The following CNNM1 variants were observed in gnomAD, a reference collection of about 807,000 sequenced individuals.
CNNM1 encodes cyclin and CBS domain divalent metal cation transport mediator 1.
In CNNM1, 44 loss-of-function variants were observed where a neutral mutation model predicts 78.8. That is an observed-to-expected ratio of 0.56 (90% CI 0.44 to 0.72). The LOEUF (loss-of-function observed/expected upper bound fraction) is 0.72. Among genes scored for constraint, CNNM1 ranks in the 30% least tolerant of loss-of-function variants. The pLI, the probability that CNNM1 is intolerant of heterozygous loss-of-function variation, is 0.00. For synonymous variants in CNNM1, 584 were observed against 581.5 expected, an observed-to-expected ratio of 1.00 and a Z score of -0.06; for missense variants, 1,101 against 1,292.2, an observed-to-expected ratio of 0.85 and a Z score of 2.27.
chr10:99,358,996 G>A (rs1423437146), intron 2 of CNNM1, among the ~76,000 whole-genome samples: 6 of 86,828 alleles, frequency 6.9e-5, no homozygotes, highest in Non-Finnish European at 1.2e-4. Context: ...GACAGGGCAA[G>A]ACTGTCTCAA....
rs2032508729 is a variant in CNNM1, at chr10:99,392,739, C to T, written c.*1223C>T. 1 of 152,176 alleles carries T rather than the reference C, an allele frequency of 6.6e-6. No individual in the cohort carries two copies. Among genetic ancestry groups the T allele is most frequent in the Admixed American group, 6.5e-5 (1 of 15,268 alleles). 9.4% of individuals were successfully genotyped at this position (152,176 alleles called of 1,614,324 possible). A position where few individuals can be genotyped will look rare whatever the true frequency, so the allele number is the denominator to read the frequency against. On this transcript the variant is annotated 3_prime_UTR_variant, in exon 11 of 11. Coordinates refer to ENST00000356713, the MANE Select transcript of CNNM1 (RefSeq NM_020348.3). The stretch of plus-strand genomic sequence containing the variant: ...GGCGCGGTGGCTCACACCTGTAATC[C>T]CAACAGTTTGGAAGACCGAGGCGGG...
At chr10:99,356,442 C>G (rs570069841) in intron 1 of CNNM1, among the ~76,000 whole-genome samples, 1 of 150,944 alleles carries the variant, frequency 6.6e-6, no homozygotes, top group East Asian at 2.0e-4. Flanking sequence ...CACCATTGCA[C>G]TCCAGCCTGG....
intron 1 of CNNM1, among the ~76,000 whole-genome samples, chr10:99,333,346 T>G (rs770588302): frequency 2.6e-5 from 4 of 151,874 alleles, no homozygotes; most frequent in Non-Finnish European, 5.9e-5. Context: ...TGTTTAGGTT[T>G]GTTTGTTTGT....
At chr10:99,380,802 A>G (rs1197801571) in intron 7 of CNNM1, among the ~76,000 whole-genome samples, 1 of 150,904 alleles carries the variant, frequency 6.6e-6, no homozygotes, top group African/African-American at 2.4e-5. Flanking sequence ...AAAAAAAAAA[A>G]AGAGAAAACA....
chr10:99,376,788 G>A (rs1314659081), intron 6 of CNNM1, among the ~76,000 whole-genome samples: 1 of 152,154 alleles, frequency 6.6e-6, no homozygotes, highest in Non-Finnish European at 1.5e-5. Context: ...GTTGTGGGGA[G>A]CAGCTGAGTG....
intron 1 of CNNM1, among the ~76,000 whole-genome samples, chr10:99,335,304 A>C (rs1393241043): frequency 1.3e-5 from 2 of 152,304 alleles, no homozygotes; most frequent in East Asian, 3.9e-4. Flanking sequence ...AAGTCTTTAG[A>C]AGTGGGGAAG....
chr10:99,334,001 T>G (rs2030049249), intron 1 of CNNM1, among the ~76,000 whole-genome samples: 1 of 152,226 alleles, frequency 6.6e-6, no homozygotes, highest in Admixed American at 6.5e-5. Flanking sequence ...TTTCATAGCC[T>G]TGCTACTTCC....
chr10:99,364,198 A>G (rs770592132), intron 4 of CNNM1, among the ~76,000 whole-genome samples: 1 of 152,182 alleles, frequency 6.6e-6, no homozygotes, highest in East Asian at 1.9e-4. Flanking sequence ...ACTGGATGCT[A>G]TTTTATGAAC....
At chr10:99,380,310 A>G (rs1421745128) in intron 7 of CNNM1, among the ~76,000 whole-genome samples, 1 of 152,180 alleles carries the variant, frequency 6.6e-6, no homozygotes, top group African/African-American at 2.4e-5. Context: ...TGAGAAAATC[A>G]GTATGAAGAT....
In CNNM1 at chr10:99,391,580, C is replaced by T. The variant is rs1471460720; in HGVS notation, c.*64C>T. ...AGAGCTTTGGGGGAGAATCCACCCT[C>T]CCATCATCTGCTTCCCCCAAGGCCT... is the stretch of plus-strand genomic sequence containing the variant. On this transcript the variant is annotated 3_prime_UTR_variant, in exon 11 of 11. Coordinates refer to ENST00000356713, the MANE Select transcript of CNNM1 (RefSeq NM_020348.3). 2 of 1,383,776 alleles carry T rather than the reference C, an allele frequency of 1.4e-6. No homozygotes were observed. The highest frequency in any genetic ancestry group is 2.0e-6 in the Non-Finnish European group (2 of 980,658). 85.7% of individuals were successfully genotyped at this position (1,383,776 alleles called of 1,614,324 possible).
chr10:99,369,541 A>G (rs950486713), intron 6 of CNNM1, among the ~76,000 whole-genome samples: 4 of 152,138 alleles, frequency 2.6e-5, no homozygotes, highest in African/African-American at 9.7e-5. Context: ...AAAAAAGGTC[A>G]TGTTTTGAGA....
chr10:99,384,296 A>G (rs2032242762), intron 7 of CNNM1, among the ~76,000 whole-genome samples: 2 of 152,168 alleles, frequency 1.3e-5, no homozygotes, highest in African/African-American at 4.8e-5. Flanking sequence ...CTTGTCAACA[A>G]TTTCTTTTAA....
intron 1 of CNNM1, among the ~76,000 whole-genome samples, chr10:99,340,783 CTTTT>C (rs1343153873): frequency 3.8e-5 from 5 of 130,594 alleles, no homozygotes; most frequent in Admixed American, 8.6e-5. Context: ...TTCCTTCTTT[CTTTT>C]CTTTCTTTCT....
In CNNM1 at chr10:99,391,583, A is replaced by G. The variant is rs1483225993; in HGVS notation, c.*67A>G. The stretch of plus-strand genomic sequence containing the variant: ...GCTTTGGGGGAGAATCCACCCTCCC[A>G]TCATCTGCTTCCCCCAAGGCCTCCC... On this transcript the variant is annotated 3_prime_UTR_variant, in exon 11 of 11. Transcript: ENST00000356713. 2.2e-6 allele frequency: 3 copies of G among 1,363,046 alleles called. No homozygotes were observed. Among genetic ancestry groups the G allele is most frequent in the Non-Finnish European group, 2.1e-6 (2 of 962,368 alleles). The allele number at this position is 1,363,046 out of a possible 1,614,324, so 84.4% of individuals were successfully genotyped here. A position where few individuals can be genotyped will look rare whatever the true frequency, so the allele number is the denominator to read the frequency against.
In CNNM1 at chr10:99,362,393, A is replaced by G. The variant is rs778420366; in HGVS notation, c.2025A>G (p.Leu675=). The stretch of plus-strand genomic sequence containing the variant: ...CTGTGGACTACTTTGTGCTGCTTCT[A>G]CAGGTGAGTAGGAAAGTCAGGGAAC... ...NRPVDYFVLL[L]QGKVEVEVGK... is the part of the protein sequence containing the mutation. The change falls in exon 4 of 11, where the codon CTA becomes CTG. Residue 675 remains leucine (L), a synonymous_variant. Coordinates refer to ENST00000356713, the MANE Select transcript of CNNM1 (RefSeq NM_020348.3). 6.2e-7 allele frequency: 1 copy of G among 1,609,880 alleles called. No individual in the cohort carries two copies. The highest frequency in any genetic ancestry group is 8.5e-7 in the Non-Finnish European group (1 of 1,178,104).
In CNNM1 at chr10:99,387,990, G is replaced by C. The variant is rs906262113; in HGVS notation, c.2511G>C (p.Arg837Ser). Reference sequence around the variant, plus strand: ...CCGCCATCACGCTCCTCAACAACAGGAACAGCCTGCCGTGTAAGTCAGCTG... The same window carrying C: ...CCGCCATCACGCTCCTCAACAACAGCAACAGCCTGCCGTGTAAGTCAGCTG... ...DDPAITLLNN[R>S]NSLPCSRSDG... Residue 837 changes from arginine (R) to serine (S), a missense_variant, in exon 8 of 11, where the codon AGG becomes AGC. By Grantham distance (110) the Arg-to-Ser change is moderately radical. Coordinates refer to ENST00000356713, the MANE Select transcript of CNNM1 (RefSeq NM_020348.3). 2 of 1,591,696 alleles carry C rather than the reference G, an allele frequency of 1.3e-6. No homozygotes were observed. The highest frequency in any genetic ancestry group is 2.2e-5 in the East Asian group (1 of 44,706).
intron 9 of CNNM1, 61 bp from the exon 10 acceptor site, chr10:99,390,245 C>T (rs2032433421): frequency 8.3e-7 from 1 of 1,200,770 alleles, no homozygotes; most frequent in Non-Finnish European, 1.2e-6. Context: ...CAGAATCACC[C>T]TCTCTTGATG....
intron 7 of CNNM1, among the ~76,000 whole-genome samples, chr10:99,380,136 C>T (rs929746951): frequency 9.3e-5 from 14 of 150,868 alleles, no homozygotes; most frequent in African/African-American, 2.9e-4. Context: ...GACAAGCTCT[C>T]GTCTTCTAAG....
In CNNM1 at chr10:99,365,119, G is replaced by A. The variant is rs758474715; in HGVS notation, c.2176+117G>A. On this transcript the variant is annotated intron_variant, in intron 6 of 10. Coordinates refer to ENST00000356713, the MANE Select transcript of CNNM1 (RefSeq NM_020348.3). ...GCTGGGGCTAAGACAAATGCTGGCA[G>A]CCCCTTTGTAATGTTCTGCCAGGAA... 25 of 1,011,294 alleles carry A rather than the reference G, an allele frequency of 2.5e-5. No homozygotes were observed. The Admixed American group carries it at 4.5e-4, about 18-fold the overall frequency. 62.6% of individuals were successfully genotyped at this position (1,011,294 alleles called of 1,614,324 possible).
Sources: gnomAD v4.1 joint callset for allele counts (sites outside exome capture counted in the v4.1 genomes callset) on GRCh38, gnomAD v4.1.1 for gene constraint, MANE v1.5 for transcripts, NCBI Gene and HGNC (gene_info 2026-07-23, HGNC 2026-07-21) for gene names.